SIPA1L1: variants seen among roughly 807,000 people sequenced by gnomAD.
SIPA1L1 encodes signal induced proliferation associated 1 like 1.
In SIPA1L1, 26 loss-of-function variants were observed where a neutral mutation model predicts 162.7. The observed-to-expected ratio is 0.16, with a 90% CI of 0.12 to 0.22. The LOEUF (loss-of-function observed/expected upper bound fraction) is 0.22. Ranked by LOEUF, SIPA1L1 falls within the 10% of genes least tolerant of loss-of-function variation. SIPA1L1 has a pLI of 1.00. For missense variants in SIPA1L1, 1,874 were observed against 2,241.0 expected (o/e 0.84, Z 3.31); for synonymous variants, 829 against 837.4 (o/e 0.99, Z 0.17).
At chr14:71,363,166 T>C (rs1488067888) in intron 2 of SIPA1L1, among the ~76,000 whole-genome samples, 1 of 152,244 alleles carries the variant, frequency 6.6e-6, no homozygotes, top group Non-Finnish European at 1.5e-5. Context: ...TCAGTCAATC[T>C]GTTTTCTGTT....
At chr14:71,683,382 A>G (rs563523942) in intron 12 of SIPA1L1, among the ~76,000 whole-genome samples, 56 of 152,334 alleles carry the variant, frequency 3.7e-4, no homozygotes, top group African/African-American at 1.3e-3. Context: ...GAACAAGAGC[A>G]TTGCTGAGGA....
intron 2 of SIPA1L1, among the ~76,000 whole-genome samples, chr14:71,374,034 G>T (rs1225398575): frequency 6.6e-6 from 1 of 152,196 alleles, no homozygotes; most frequent in African/African-American, 2.4e-5. Context: ...CAAGGAAGTG[G>T]TCTTTGGAGC....
intron 2 of SIPA1L1, among the ~76,000 whole-genome samples, chr14:71,388,762 G>A (rs1220453781): frequency 1.3e-5 from 2 of 152,170 alleles, no homozygotes; most frequent in Non-Finnish European, 2.9e-5. Context: ...CATCTGTGGA[G>A]CTTTAGGATC....
chr14:71,537,013 T>G lies in SIPA1L1; in HGVS notation c.-303+7643T>G, dbSNP rs2053962781. Among the ~76,000 whole-genome samples, 3 of 152,184 alleles carry G rather than the reference T, an allele frequency of 2.0e-5. No homozygotes were observed. The South Asian group carries it at 6.2e-4, about 32-fold the overall frequency. Reference sequence around the variant, plus strand: ...GCAATAGTTCTGAACTCTTGTCTTCTTATGCACAATGTTAGGGTTGTGCAT... The same window carrying G: ...GCAATAGTTCTGAACTCTTGTCTTCGTATGCACAATGTTAGGGTTGTGCAT... On this transcript the variant is annotated intron_variant, in intron 4 of 23. Coordinates refer to ENST00000381232, the MANE Select transcript of SIPA1L1 (RefSeq NM_001386936.1).
At chr14:71,352,816 A>G (rs147961428) in intron 2 of SIPA1L1, among the ~76,000 whole-genome samples, 108 of 152,370 alleles carry the variant, frequency 7.1e-4, no homozygotes, top group Non-Finnish European at 1.3e-3. Flanking sequence ...TTGTATACCT[A>G]TTAATGGCAT....
intron 2 of SIPA1L1, among the ~76,000 whole-genome samples, chr14:71,439,810 C>T (rs2044691303): frequency 6.6e-6 from 1 of 152,170 alleles, no homozygotes; most frequent in Admixed American, 6.5e-5. Flanking sequence ...AGAGAAGTGT[C>T]TACATCTATT....
chr14:71,624,796 G>A (rs1204547168), intron 7 of SIPA1L1, among the ~76,000 whole-genome samples: 1 of 152,230 alleles, frequency 6.6e-6, no homozygotes, highest in East Asian at 1.9e-4. Context: ...CAAAGTCTGT[G>A]CCACTTCACC....
chr14:71,330,443 C>T (rs895948222), intron 2 of SIPA1L1: 6 of 1,581,738 alleles, frequency 3.8e-6, no homozygotes, highest in Middle Eastern at 2.2e-4. Flanking sequence ...TTGCTGTGCT[C>T]AATATCTTGG....
At position 71,685,589 on chromosome 14, in the gene SIPA1L1, T is replaced by C; in HGVS notation, c.3332T>C (p.Ile1111Thr). 1 of 1,614,068 alleles carries C rather than the reference T, an allele frequency of 6.2e-7. No homozygotes were observed. The highest frequency in any genetic ancestry group is 8.5e-7 in the Non-Finnish European group (1 of 1,180,010). ...CCTCCTCCAGAAAGAGCCGCCAACA[T>C]CCCTCGAAGCATCTCCAGTGACGGG... ...KMPPPERAAN[I>T]PRSISSDGRP... Residue 1111 changes from isoleucine (I) to threonine (T), a missense_variant, in exon 13 of 24, where the codon ATC (isoleucine) becomes ACC (threonine). Ile to Thr is a moderately conservative substitution (Grantham distance 89). Around this residue, in one of 5 missense-constraint regions of SIPA1L1, gnomAD observed 936 missense variants for 1,051.9 expected, o/e 0.89. Transcript: ENST00000381232.
intron 2 of SIPA1L1, among the ~76,000 whole-genome samples, chr14:71,451,465 C>T (rs1426505352): frequency 6.6e-6 from 1 of 151,626 alleles, no homozygotes; most frequent in African/African-American, 2.4e-5. Context: ...GAGACCTTGT[C>T]TCTACAAAAA....
At chr14:71,533,383 G>A (rs2145449328) in intron 4 of SIPA1L1, among the ~76,000 whole-genome samples, 1 of 152,214 alleles carries the variant, frequency 6.6e-6, no homozygotes, top group East Asian at 1.9e-4. Flanking sequence ...GTCTTTACCA[G>A]CACTTCTTTC....
chr14:71,736,636 G>A (rs552635263), intron 22 of SIPA1L1, among the ~76,000 whole-genome samples: 2 of 152,136 alleles, frequency 1.3e-5, no homozygotes, highest in African/African-American at 4.8e-5. Flanking sequence ...TGGCACTGCT[G>A]GGGTGAGGAG....
chr14:71,509,709 A>T (rs571832862), intron 2 of SIPA1L1, among the ~76,000 whole-genome samples: 1 of 150,064 alleles, frequency 6.7e-6, no homozygotes, highest in Non-Finnish European at 1.5e-5. Flanking sequence ...ACGCCATTGC[A>T]CTCCAGCCTG....
intron 2 of SIPA1L1, among the ~76,000 whole-genome samples, chr14:71,394,561 C>G (rs34528131): frequency 5.3e-5 from 8 of 152,098 alleles, no homozygotes; most frequent in African/African-American, 1.9e-4. Context: ...TCCAGCCTCT[C>G]CTGCTATAGA....
chr14:71,709,760 A>G (rs1452240969), intron 17 of SIPA1L1, 96 bp downstream of exon 17: 3 of 1,022,658 alleles, frequency 2.9e-6, no homozygotes, highest in South Asian at 3.4e-5. Flanking sequence ...TGTATAAGGA[A>G]AGGAGGTTTT....
At chr14:71,357,894 A>AT (rs1226716275) in intron 2 of SIPA1L1, among the ~76,000 whole-genome samples, 7 of 151,642 alleles carry the variant, frequency 4.6e-5, no homozygotes, top group South Asian at 2.1e-4. Flanking sequence ...TGCCCAGCTA[A>AT]TTTTTTTTTG....
At chr14:71,413,501 G>C (rs1173464575) in intron 2 of SIPA1L1, among the ~76,000 whole-genome samples, 2 of 152,214 alleles carry the variant, frequency 1.3e-5, no homozygotes, top group Non-Finnish European at 2.9e-5. Flanking sequence ...ATTTTGGGAG[G>C]CTGAGGCGGG....
intron 2 of SIPA1L1, among the ~76,000 whole-genome samples, chr14:71,447,385 G>A (rs1469854997): frequency 6.6e-6 from 1 of 152,152 alleles, no homozygotes; most frequent in Admixed American, 6.5e-5. Context: ...GTGCTATGGT[G>A]TACTTGGGTT....
chr14:71,637,847 C>T (rs1301909189), intron 7 of SIPA1L1, among the ~76,000 whole-genome samples: 2 of 152,136 alleles, frequency 1.3e-5, no homozygotes, highest in African/African-American at 4.8e-5. Context: ...ACATATCCCT[C>T]ATGAATACAG....
Sources: allele counts gnomAD v4.1 joint callset (sites outside exome capture counted in the v4.1 genomes callset), GRCh38; gene constraint gnomAD v4.1.1; regional missense constraint gnomAD v4.1.1; transcripts MANE v1.5; gene names NCBI Gene and HGNC (gene_info 2026-07-23, HGNC 2026-07-21).